Variants in ALDH3B2 observed in about 807,000 individuals in gnomAD.
ALDH3B2 encodes the protein aldehyde dehydrogenase family 3 member B2.
In ALDH3B2, 45 loss-of-function variants were observed where a neutral mutation model predicts 36.7. The ratio of observed to expected loss-of-function variants is 1.23; its 90% CI spans 0.97 to 1.57. The LOEUF is 1.57. Ranked by LOEUF, ALDH3B2 falls within the 40% of genes most tolerant of loss-of-function variation. The probability of loss-of-function intolerance (pLI) is 0.00; values close to 1 mark genes in which losing one functional copy is unlikely to be tolerated. For synonymous variants in ALDH3B2, 217 were observed against 226.5 expected, an observed-to-expected ratio of 0.96 and a Z score of 0.38; for missense variants, 464 against 513.3, an observed-to-expected ratio of 0.90 and a Z score of 0.93.
intron 7 of ALDH3B2, 86 bp from the exon 8 acceptor site, chr11:67,664,648 G>C (rs1206369028): frequency 2.2e-5 from 33 of 1,533,090 alleles, no homozygotes; most frequent in Non-Finnish European, 2.9e-5. Flanking sequence ...AGGGGCATGG[G>C]CCAGGGCTCC....
rs779577640 is a variant in ALDH3B2 at position 67,664,580 on chromosome 11, G to C, written c.707-18C>G. ...CGTGGGGGCTGCGGGCACCAGAGAC[G>C]GCTCAGCCCTGGGGCCACAGTCAGG... On this transcript the variant is annotated intron_variant, in intron 7 of 9. Transcript: ENST00000349015. The C allele has an allele frequency of 6.2e-7, 1 of 1,611,766 alleles. No individual in the cohort carries two copies. Among genetic ancestry groups the C allele is most frequent in the Middle Eastern group, 1.9e-4 (1 of 5,172 alleles).
intron 1 of ALDH3B2, among the ~76,000 whole-genome samples, chr11:67,672,931 T>G (rs1856169646): frequency 1.4e-5 from 2 of 144,458 alleles, no homozygotes; most frequent in Non-Finnish European, 3.1e-5. Context: ...TTCTTTTCTT[T>G]TCTTTTTTTT....
intron 1 of ALDH3B2, among the ~76,000 whole-genome samples, chr11:67,680,347 C>G (rs1002102102): frequency 6.6e-6 from 1 of 152,136 alleles, no homozygotes; most frequent in Non-Finnish European, 1.5e-5. Flanking sequence ...AATTTTTCTT[C>G]ATATTTTCAG....
chr11:67,665,972 G>A (rs997230190), intron 6 of ALDH3B2, 150 bp downstream of exon 6: 26 of 1,112,376 alleles, frequency 2.3e-5, no homozygotes, highest in South Asian at 2.3e-4. Context: ...TGCCCAGGGC[G>A]TGGCCTATGC....
intron 8 of ALDH3B2, 96 bp from the exon 9 acceptor site, chr11:67,663,857 C>T: frequency 1.0e-6 from 1 of 1,004,068 alleles, no homozygotes; most frequent in Non-Finnish European, 1.5e-6. Context: ...TCATCCTCAC[C>T]TGCCCCTCCA....
intron 1 of ALDH3B2, among the ~76,000 whole-genome samples, chr11:67,672,085 A>ATATATATATATG (rs1398899805): frequency 7.2e-4 from 38 of 52,828 alleles, no homozygotes; most frequent in Non-Finnish European, 1.2e-3. Flanking sequence ...ATATATATAT[A>ATATATATATATG]TATGTATGTA....
chr11:67,666,834 G>T, intron 3 of ALDH3B2, 72 bp downstream of exon 3: 2 of 1,611,578 alleles, frequency 1.2e-6, no homozygotes, highest in Admixed American at 1.7e-5. Flanking sequence ...GGCCTCAGGG[G>T]CAGAAGGGGG....
chr11:67,667,127 G>A (rs2134137462), intron 2 of ALDH3B2, 111 bp from the exon 3 acceptor site: 2 of 634,508 alleles, frequency 3.2e-6, no homozygotes, highest in South Asian at 1.9e-5. Context: ...TATAAATACA[G>A]CTCCTATGGG....
chr11:67,677,485 A>C (rs1230098622), upstream of ALDH3B2, among the ~76,000 whole-genome samples: 2 of 152,218 alleles, frequency 1.3e-5, no homozygotes, highest in African/African-American at 2.4e-5. Context: ...TGACAAAACC[A>C]CAGCCAACAT....
At chr11:67,663,540 G>A in intron 9 of ALDH3B2, 122 bp downstream of exon 9, 2 of 1,350,626 alleles carry the variant, frequency 1.5e-6, no homozygotes, top group Non-Finnish European at 2.0e-6. Context: ...TTACAGATAG[G>A]GAAACTGAGG....
upstream of ALDH3B2, among the ~76,000 whole-genome samples, chr11:67,675,106 C>T (rs115362132): frequency 0.016 from 2,423 of 152,266 alleles, 60 homozygotes; most frequent in African/African-American, 0.055. Flanking sequence ...GTGTGCCCAG[C>T]TGGCATACTC....
intron 1 of ALDH3B2, among the ~76,000 whole-genome samples, chr11:67,672,900 ACTTT>A (rs776453413): frequency 8.2e-5 from 12 of 145,890 alleles, no homozygotes; most frequent in African/African-American, 3.0e-4. Context: ...CACAAAATGA[ACTTT>A]CTTTCTTTCT....
In ALDH3B2 at chr11:67,666,309, C is replaced by T; in HGVS notation, c.237+7G>A. On this transcript the variant is annotated splice_region_variant and intron_variant, in intron 5 of 9. Coordinates refer to ENST00000349015, the Ensembl canonical transcript of ALDH3B2. ...GTCGGGCACTGCTGGGGCAGGGCCACCCTCACCTGGTCCAGGTACTGGGGC... is the reference window on the plus strand; with the variant it reads ...GTCGGGCACTGCTGGGGCAGGGCCATCCTCACCTGGTCCAGGTACTGGGGC... 1 of 1,609,054 alleles carries T rather than the reference C, an allele frequency of 6.2e-7. No individual in the cohort carries two copies. Among genetic ancestry groups the T allele is most frequent in the Non-Finnish European group, 8.5e-7 (1 of 1,177,674 alleles).
At chr11:67,670,949 G>C (rs1856093320) in intron 1 of ALDH3B2, 1 of 152,262 alleles carries the variant, frequency 6.6e-6, no homozygotes, top group Non-Finnish European at 1.5e-5. Context: ...GGCCTGGAGC[G>C]CTTCCAGGTC....
intron 1 of ALDH3B2, among the ~76,000 whole-genome samples, chr11:67,679,745 C>T (rs2134164754): frequency 6.6e-6 from 1 of 151,866 alleles, no homozygotes; most frequent in South Asian, 2.1e-4. Context: ...AGAAGGCACA[C>T]CATTCCCATC....
chr11:67,665,701 G>A lies in ALDH3B2; in HGVS notation c.320-30C>T, dbSNP rs578131561. ...GCGTGGAAGGAAACCAGAGTGGCCA[G>A]TCAGTGACCTGGACCAGGCAGGATG... is the stretch of plus-strand genomic sequence containing the variant. On this transcript the variant is annotated intron_variant, in intron 6 of 9. Coordinates refer to ENST00000349015, the Ensembl canonical transcript of ALDH3B2. 33 of 1,580,204 alleles carry A rather than the reference G, an allele frequency of 2.1e-5. No homozygotes were observed. In the Middle Eastern group the frequency reaches 8.7e-4, roughly 41 times the overall value.
At chr11:67,663,008 T>C in exon 10 of ALDH3B2, 3 of 634,818 alleles carry the variant, frequency 4.7e-6, no homozygotes, top group South Asian at 4.0e-5. Flanking sequence ...TTCTGCGGCC[T>C]CTTGGCCTCT....
intron 1 of ALDH3B2, among the ~76,000 whole-genome samples, chr11:67,672,198 A>G (rs1856148085): frequency 7.0e-6 from 1 of 143,820 alleles, no homozygotes; most frequent in Admixed American, 7.1e-5. Context: ...CCCAGGCCAG[A>G]GTGCAGTGGT....
At chr11:67,676,854 G>A (rs763359080), upstream of ALDH3B2, among the ~76,000 whole-genome samples, 5 of 152,056 alleles carry the variant, frequency 3.3e-5, no homozygotes, top group Non-Finnish European at 5.9e-5. Flanking sequence ...AAACCTAGAA[G>A]CAATGGTTAC....
Sources: allele counts gnomAD v4.1 joint callset (sites outside exome capture counted in the v4.1 genomes callset), GRCh38; gene constraint gnomAD v4.1.1; transcripts MANE v1.5; gene names NCBI Gene and HGNC (gene_info 2026-07-23, HGNC 2026-07-21).